SRGAP3: variants seen among roughly 807,000 people sequenced by gnomAD.
SRGAP3 encodes SLIT-ROBO Rho GTPase activating protein 3.
A neutral mutation model predicts 121.1 loss-of-function variants in SRGAP3; 39 were observed. The ratio of observed to expected loss-of-function variants is 0.32; its 90% CI spans 0.25 to 0.42. The LOEUF is 0.42. Ranked by LOEUF, SRGAP3 falls within the 10% of genes least tolerant of loss-of-function variation. The pLI, the probability that SRGAP3 is intolerant of heterozygous loss-of-function variation, is 1.00. For synonymous variants in SRGAP3, 601 were observed against 570.0 expected, an observed-to-expected ratio of 1.05 and a Z score of -0.77; for missense variants, 1,213 against 1,470.6, an observed-to-expected ratio of 0.82 and a Z score of 2.86.
intron 3 of SRGAP3, among the ~76,000 whole-genome samples, chr3:9,084,830 G>C (rs2670011): frequency 0.35 from 53,913 of 151,904 alleles, 10,432 homozygotes; most frequent in Non-Finnish European, 0.45. Flanking sequence ...TTCCTCCAAA[G>C]CCTCCTCATT....
chr3:9,103,736 C>A (rs1948305790), intron 3 of SRGAP3, among the ~76,000 whole-genome samples: 1 of 152,186 alleles, frequency 6.6e-6, no homozygotes, highest in East Asian at 1.9e-4. Context: ...ACCCATTTTA[C>A]AGACAAGGAA....
intron 3 of SRGAP3, among the ~76,000 whole-genome samples, chr3:9,098,686 G>A (rs927783647): frequency 2.6e-5 from 4 of 152,228 alleles, no homozygotes; most frequent in African/African-American, 7.2e-5. Flanking sequence ...ATGGGATAAT[G>A]GCAGCATCTT....
At chr3:9,338,317 A>G (rs1390218481) in intron 1 of SRGAP3, among the ~76,000 whole-genome samples, 1 of 152,214 alleles carries the variant, frequency 6.6e-6, no homozygotes, top group Non-Finnish European at 1.5e-5. Flanking sequence ...TAGGTGAAAG[A>G]CTAAATAGCC....
At chr3:9,275,301 A>G (rs995591558) in intron 3 of SRGAP3, among the ~76,000 whole-genome samples, 1 of 152,106 alleles carries the variant, frequency 6.6e-6, no homozygotes, top group African/African-American at 2.4e-5. Context: ...CCTCTAAAAA[A>G]TATGTTCTAC....
At chr3:9,164,792 C>T (rs1027293352) in intron 1 of SRGAP3, among the ~76,000 whole-genome samples, 1 of 152,138 alleles carries the variant, frequency 6.6e-6, no homozygotes, top group African/African-American at 2.4e-5. Flanking sequence ...CTACTGTCGG[C>T]GTCTACAGTG....
rs977528073 is a variant in SRGAP3, at chr3:9,278,996, G to A, written n.442+47014C>T. On this transcript the variant is annotated intron_variant and non_coding_transcript_variant, in intron 3 of 3. Transcript: ENST00000490889. Reference sequence around the variant, plus strand: ...CAGGATTACATCCAATACCCTGGCCGGGCGTGGTGGTGCACATCTGTAATC... The same window carrying A: ...CAGGATTACATCCAATACCCTGGCCAGGCGTGGTGGTGCACATCTGTAATC... Among the ~76,000 whole-genome samples the A allele has an allele frequency of 1.5e-4, 23 of 152,098 alleles. 1 individual carries two copies. Among genetic ancestry groups the A allele is most frequent in the African/African-American group, 3.1e-4 (13 of 41,408 alleles).
chr3:9,322,217 C>T (rs1448533858), intron 3 of SRGAP3, among the ~76,000 whole-genome samples: 2 of 151,682 alleles, frequency 1.3e-5, no homozygotes, highest in African/African-American at 4.8e-5. Flanking sequence ...CAATGTCTGG[C>T]AGTAGGCACT....
intron 3 of SRGAP3, among the ~76,000 whole-genome samples, chr3:9,259,580 T>G (rs1954210114): frequency 6.6e-6 from 1 of 152,182 alleles, no homozygotes; most frequent in Non-Finnish European, 1.5e-5. Context: ...AATGTTGGGA[T>G]TACAGGCATG....
At chr3:8,998,303 C>T (rs1574873359) in intron 18 of SRGAP3, among the ~76,000 whole-genome samples, 1 of 152,212 alleles carries the variant, frequency 6.6e-6, no homozygotes, top group East Asian at 1.9e-4. Context: ...CATTCATCCA[C>T]ACTCAACAAA....
At chr3:9,272,765 A>G (rs1954501458) in intron 3 of SRGAP3, among the ~76,000 whole-genome samples, 2 of 151,872 alleles carry the variant, frequency 1.3e-5, no homozygotes, top group South Asian at 4.2e-4. Context: ...TTTTGTATAT[A>G]CCTAGAAGTG....
At chr3:9,341,305 A>AT (rs1434773976) in intron 1 of SRGAP3, among the ~76,000 whole-genome samples, 1 of 152,134 alleles carries the variant, frequency 6.6e-6, no homozygotes, top group Non-Finnish European at 1.5e-5. Flanking sequence ...CAGTTGCCTG[A>AT]TTATCCCCCA....
chr3:9,197,364 T>C (rs1951947562), intron 1 of SRGAP3, among the ~76,000 whole-genome samples: 1 of 152,264 alleles, frequency 6.6e-6, no homozygotes. Flanking sequence ...CTGAGAACTG[T>C]GAATTGGGAG....
chr3:8,986,133 G>C (rs1008011985), intron 21 of SRGAP3, among the ~76,000 whole-genome samples: 5 of 152,140 alleles, frequency 3.3e-5, no homozygotes, highest in Non-Finnish European at 7.3e-5. Flanking sequence ...ACAGGAAATA[G>C]ATTTCATAAG....
chr3:9,344,370 G>A (rs1038606066), intron 1 of SRGAP3, among the ~76,000 whole-genome samples: 18 of 152,150 alleles, frequency 1.2e-4, no homozygotes, highest in East Asian at 1.9e-4. Context: ...CAGGAGAATC[G>A]CTTGAACCTG....
At chr3:9,037,955 G>A (rs1399576425) in intron 11 of SRGAP3, 108 bp downstream of exon 11, 3 of 1,449,752 alleles carry the variant, frequency 2.1e-6, no homozygotes, top group Middle Eastern at 1.9e-4. Context: ...GGGGACATTG[G>A]TGAAGAAGCC....
At chr3:9,116,734 A>G (rs1362153769) in intron 2 of SRGAP3, among the ~76,000 whole-genome samples, 1 of 152,252 alleles carries the variant, frequency 6.6e-6, no homozygotes, top group African/African-American at 2.4e-5. Flanking sequence ...GAACAAAGTC[A>G]GCAGCTAGAT....
chr3:9,343,578 G>C (rs928266069), intron 1 of SRGAP3, among the ~76,000 whole-genome samples: 3 of 152,160 alleles, frequency 2.0e-5, no homozygotes, highest in African/African-American at 4.8e-5. Context: ...ACAATTACTA[G>C]TAGCATTGTA....
intron 1 of SRGAP3, among the ~76,000 whole-genome samples, chr3:9,208,280 A>G (rs1952333831): frequency 6.6e-6 from 1 of 152,042 alleles, no homozygotes. Flanking sequence ...AGCATCTCCC[A>G]GTGTCAAAAC....
intron 18 of SRGAP3, among the ~76,000 whole-genome samples, chr3:8,995,931 C>T (rs941025087): frequency 6.6e-6 from 1 of 152,180 alleles, no homozygotes; most frequent in African/African-American, 2.4e-5. Context: ...ATAGCTTCTC[C>T]ATGCTGAGCT....
Sources: allele counts gnomAD v4.1 joint callset (sites outside exome capture counted in the v4.1 genomes callset), GRCh38; gene constraint gnomAD v4.1.1; transcripts MANE v1.5; gene names NCBI Gene and HGNC (gene_info 2026-07-23, HGNC 2026-07-21).